SMYD3: variants seen among roughly 807,000 people sequenced by gnomAD.
SMYD3 encodes the protein histone-lysine N-methyltransferase SMYD3.
A neutral mutation model predicts 57.7 loss-of-function variants in SMYD3; 36 were observed. That is an observed-to-expected ratio of 0.62 (90% confidence interval 0.48 to 0.82). The LOEUF is 0.82. Among genes scored for constraint, SMYD3 ranks in the 40% least tolerant of loss-of-function variants. SMYD3 has a pLI of 0.00. For missense variants in SMYD3, 515 were observed against 538.8 expected, an observed-to-expected ratio of 0.96 and a Z score of 0.44; for synonymous variants, 211 against 195.0, an observed-to-expected ratio of 1.08 and a Z score of -0.68.
At chr1:246,330,565 T>G (rs554403510) in intron 3 of SMYD3, 28 bp from the exon 4 acceptor site, 2 of 1,570,614 alleles carry the variant, frequency 1.3e-6, no homozygotes, top group Non-Finnish European at 1.7e-6. Context: ...AAAACGCCAA[T>G]AACAATTTCA....
At chr1:245,774,038 T>C (rs745462968) in intron 10 of SMYD3, among the ~76,000 whole-genome samples, 3 of 152,016 alleles carry the variant, frequency 2.0e-5, no homozygotes, top group Non-Finnish European at 2.9e-5. Context: ...ACCGATTCAA[T>C]GGGAGCATAC....
intron 1 of SMYD3, among the ~76,000 whole-genome samples, chr1:246,434,727 A>G (rs771904112): frequency 2.0e-5 from 3 of 152,228 alleles, no homozygotes; most frequent in Non-Finnish European, 4.4e-5. Context: ...CCACTGTGGA[A>G]AGCAGTTTGG....
intron 5 of SMYD3, among the ~76,000 whole-genome samples, chr1:246,300,115 A>G (rs2064868266): frequency 1.3e-5 from 2 of 152,140 alleles, no homozygotes; most frequent in African/African-American, 4.8e-5. Flanking sequence ...GTAGCTGTGT[A>G]TATACTAAAT....
chr1:245,829,486 G>A (rs1369465733), intron 10 of SMYD3, among the ~76,000 whole-genome samples: 2 of 152,098 alleles, frequency 1.3e-5, no homozygotes, highest in Admixed American at 6.5e-5. Flanking sequence ...GTAATAACAA[G>A]TGGTAGCAAA....
chr1:245,837,491 G>A (rs2050162383), intron 10 of SMYD3, among the ~76,000 whole-genome samples: 1 of 152,104 alleles, frequency 6.6e-6, no homozygotes, highest in South Asian at 2.1e-4. Context: ...AGGTCTGGGT[G>A]ATTCTCTGTC....
At chr1:246,010,953 T>A (rs1441172658) in intron 5 of SMYD3, among the ~76,000 whole-genome samples, 2 of 152,198 alleles carry the variant, frequency 1.3e-5, no homozygotes, top group Non-Finnish European at 2.9e-5. Context: ...GAAGGACATA[T>A]AACATGCTTC....
intron 10 of SMYD3, among the ~76,000 whole-genome samples, chr1:245,828,355 A>T (rs1050097891): frequency 2.0e-5 from 3 of 152,254 alleles, no homozygotes; most frequent in African/African-American, 7.2e-5. Context: ...CTTCTAGAAA[A>T]TATAGATTCA....
At chr1:246,112,850 T>G (rs570136964) in intron 5 of SMYD3, among the ~76,000 whole-genome samples, 4 of 152,292 alleles carry the variant, frequency 2.6e-5, no homozygotes, top group African/African-American at 9.6e-5. Context: ...GTAAAAACAC[T>G]AATGAAGACC....
intron 1 of SMYD3, among the ~76,000 whole-genome samples, chr1:246,442,544 T>G (rs944676570): frequency 1.3e-5 from 2 of 150,970 alleles, no homozygotes; most frequent in African/African-American, 4.9e-5. Flanking sequence ...GCGAAACCCC[T>G]TCTCAAAAAA....
At chr1:246,113,096 C>T (rs866006754) in intron 5 of SMYD3, among the ~76,000 whole-genome samples, 3 of 151,998 alleles carry the variant, frequency 2.0e-5, no homozygotes, top group East Asian at 1.9e-4. Flanking sequence ...GCAGGAGAAT[C>T]GCTTGAACCC....
chr1:246,020,103 G>A (rs1320583180), intron 5 of SMYD3, among the ~76,000 whole-genome samples: 2 of 152,140 alleles, frequency 1.3e-5, no homozygotes, highest in Non-Finnish European at 2.9e-5. Context: ...GTGTCTTATG[G>A]GGTCCGTCTG....
At chr1:246,341,773 G>C (rs1277559944) in intron 2 of SMYD3, among the ~76,000 whole-genome samples, 1 of 152,104 alleles carries the variant, frequency 6.6e-6, no homozygotes, top group Non-Finnish European at 1.5e-5. Context: ...AGTCCCTATT[G>C]CTCACTCAAG....
At chr1:246,299,587 C>T (rs1313844329) in intron 5 of SMYD3, among the ~76,000 whole-genome samples, 1 of 152,096 alleles carries the variant, frequency 6.6e-6, no homozygotes, top group Non-Finnish European at 1.5e-5. Context: ...CATGGACACC[C>T]TAAATGCCCA....
At chr1:246,456,801 GGA>G (rs1268690165) in intron 1 of SMYD3, among the ~76,000 whole-genome samples, 3 of 152,148 alleles carry the variant, frequency 2.0e-5, no homozygotes, top group African/African-American at 7.2e-5. Context: ...TTGGAAAACT[GGA>G]GACATGGCTA....
At chr1:246,042,401 G>T (rs757837366) in intron 5 of SMYD3, among the ~76,000 whole-genome samples, 1 of 152,158 alleles carries the variant, frequency 6.6e-6, no homozygotes, top group Non-Finnish European at 1.5e-5. Context: ...CACATACTCA[G>T]GGTTTGTAAA....
chr1:246,086,262 T>G (rs1053676989), intron 5 of SMYD3, among the ~76,000 whole-genome samples: 9 of 150,884 alleles, frequency 6.0e-5, no homozygotes, highest in African/African-American at 2.2e-4. Flanking sequence ...TGCTACTAGG[T>G]TAGCTGAATT....
At chr1:245,858,253 T>G (rs1182025465) in intron 10 of SMYD3, among the ~76,000 whole-genome samples, 1 of 152,200 alleles carries the variant, frequency 6.6e-6, no homozygotes, top group Non-Finnish European at 1.5e-5. Flanking sequence ...AGAGACAGCA[T>G]CTAATTAGTT....
intron 8 of SMYD3, among the ~76,000 whole-genome samples, chr1:245,899,932 C>T (rs1161676729): frequency 6.6e-6 from 1 of 152,116 alleles, no homozygotes; most frequent in Non-Finnish European, 1.5e-5. Context: ...AGAACTTACA[C>T]CACTGGCTCT....
At chr1:246,231,366 T>C (rs2063406448) in intron 5 of SMYD3, among the ~76,000 whole-genome samples, 1 of 152,214 alleles carries the variant, frequency 6.6e-6, no homozygotes, top group Non-Finnish European at 1.5e-5. Context: ...GCAATAGATC[T>C]ATTTAATAAA....
Sources: allele counts gnomAD v4.1 joint callset (sites outside exome capture counted in the v4.1 genomes callset), GRCh38; gene constraint gnomAD v4.1.1; transcripts MANE v1.5; gene names NCBI Gene and HGNC (gene_info 2026-07-23, HGNC 2026-07-21).